UBASH3B: variants seen among roughly 807,000 people sequenced by gnomAD.
UBASH3B encodes ubiquitin associated and SH3 domain containing B, also known as ubiquitin-associated and SH3 domain-containing protein B.
UBASH3B carries 37 observed loss-of-function variants against 83.4 expected under a neutral mutation model. The ratio of observed to expected loss-of-function variants is 0.44; its 90% CI spans 0.34 to 0.58. The LOEUF (loss-of-function observed/expected upper bound fraction) is 0.58. UBASH3B is among the 20% of genes least tolerant of loss of function. The probability of loss-of-function intolerance (pLI) is 0.01; values close to 1 mark genes in which losing one functional copy is unlikely to be tolerated. For missense variants in UBASH3B, 657 were observed against 827.2 expected (o/e 0.79, Z 2.52); for synonymous variants, 304 against 318.3 (o/e 0.96, Z 0.48).
At chr11:122,713,041 G>A (rs1864220697) in intron 1 of UBASH3B, among the ~76,000 whole-genome samples, 3 of 151,568 alleles carry the variant, frequency 2.0e-5, no homozygotes, top group South Asian at 2.1e-4. Context: ...CCGAGTAGCT[G>A]GGACTACAGG....
chr11:122,745,026 TG>T (rs111956714), intron 1 of UBASH3B, among the ~76,000 whole-genome samples: 17,143 of 151,904 alleles, frequency 0.11, 1,042 homozygotes, highest in Non-Finnish European at 0.13. Context: ...TGAGGAGCGG[TG>T]GTCCTCCCAG....
intron 1 of UBASH3B, among the ~76,000 whole-genome samples, chr11:122,742,213 A>AG (rs1018184590): frequency 4.1e-4 from 63 of 152,294 alleles, no homozygotes; most frequent in African/African-American, 1.4e-3. Flanking sequence ...GGTCGGGAGA[A>AG]CCTTTTTAGA....
chr11:122,806,335 A>G lies in UBASH3B; in HGVS notation c.1596-75A>G. On this transcript the variant is annotated intron_variant, in intron 11 of 13. Coordinates refer to ENST00000284273, the MANE Select transcript of UBASH3B (RefSeq NM_032873.5). This position sits in a 1 kb window ranked among gnomAD's most constrained non-coding sequence, Gnocchi z 4.0. ...GGATCTTTAGAAATGCCTTGAAATA[A>G]AAGTTTAGAGTGATATCTTCCTTTG... The G allele has an allele frequency of 2.3e-6, 3 of 1,298,748 alleles. No homozygotes were observed. Among genetic ancestry groups the G allele is most frequent in the Non-Finnish European group, 3.2e-6 (3 of 928,840 alleles). 80.5% of individuals were successfully genotyped at this position (1,298,748 alleles called of 1,614,324 possible).
chr11:122,665,301 C>T (rs139000851), intron 1 of UBASH3B, among the ~76,000 whole-genome samples: 1 of 152,346 alleles, frequency 6.6e-6, no homozygotes, highest in Non-Finnish European at 1.5e-5. Flanking sequence ...CCTCAGCCTT[C>T]TGAACAGTGA....
At chr11:122,663,916 T>A (rs948548653) in intron 1 of UBASH3B, among the ~76,000 whole-genome samples, 1 of 152,120 alleles carries the variant, frequency 6.6e-6, no homozygotes, top group Non-Finnish European at 1.5e-5. Context: ...GAGAGAAGGG[T>A]GCCAAACCAC....
At chr11:122,703,728 G>C (rs1421188148) in intron 1 of UBASH3B, among the ~76,000 whole-genome samples, 1 of 152,146 alleles carries the variant, frequency 6.6e-6, no homozygotes, top group African/African-American at 2.4e-5. Flanking sequence ...GTTTTTTGAA[G>C]ACAAGCATCT....
rs371034909 is a variant in UBASH3B at position 122,794,725 on chromosome 11, C to T, written c.1004C>T (p.Ser335Leu). ...FHGSYSILNTSSSNSLTFGDG... is the reference protein window; with the variant it reads ...FHGSYSILNTLSSNSLTFGDG... ...AGTTCTTATTCAATCTTAAATACATCGTCATCCAACTCTCTCACGTTTGGG... is the reference window on the plus strand; with the variant it reads ...AGTTCTTATTCAATCTTAAATACATTGTCATCCAACTCTCTCACGTTTGGG... Residue 335 changes from serine (S) to leucine (L), a missense_variant, in exon 7 of 14, where the codon TCG (serine) becomes TTG (leucine). This residue lies in a region of UBASH3B where 573 missense variants were observed against 739.0 expected (regional missense o/e 0.78). Coordinates refer to ENST00000284273, the MANE Select transcript of UBASH3B (RefSeq NM_032873.5). 19 of 1,614,102 alleles carry T rather than the reference C, an allele frequency of 1.2e-5. No homozygotes were observed. The highest frequency in any genetic ancestry group is 5.3e-5 in the African/African-American group (4 of 75,002).
At chr11:122,695,352 C>T (rs1863953371) in intron 1 of UBASH3B, among the ~76,000 whole-genome samples, 2 of 152,190 alleles carry the variant, frequency 1.3e-5, no homozygotes, top group Non-Finnish European at 2.9e-5. Context: ...CTGGAAGGAG[C>T]TTGAAGCTCT....
intron 1 of UBASH3B, among the ~76,000 whole-genome samples, chr11:122,770,650 C>G (rs1355989193): frequency 6.6e-6 from 1 of 152,166 alleles, no homozygotes; most frequent in African/African-American, 2.4e-5. Context: ...TTAATGATAC[C>G]TGGTCCCACT....
chr11:122,693,870 C>A (rs1212280985), intron 1 of UBASH3B, among the ~76,000 whole-genome samples: 1 of 151,154 alleles, frequency 6.6e-6, no homozygotes, highest in Non-Finnish European at 1.5e-5. Context: ...GACTCTGTCT[C>A]GAAAAAAATA....
chr11:122,755,704 C>G (rs529427430), intron 1 of UBASH3B, among the ~76,000 whole-genome samples: 1 of 152,184 alleles, frequency 6.6e-6, no homozygotes, highest in East Asian at 1.9e-4. Flanking sequence ...CTCCTCTGAA[C>G]TGGGGACAGA....
At chr11:122,699,558 TTTCTTTCTTTC>T (rs1864013462) in intron 1 of UBASH3B, among the ~76,000 whole-genome samples, 2 of 147,250 alleles carry the variant, frequency 1.4e-5, no homozygotes, top group Admixed American at 1.5e-4. Context: ...TCTTTCTTTC[TTTCTTTCTTTC>T]TTTCTTTTCT....
chr11:122,683,003 C>T (rs762058038), intron 1 of UBASH3B, among the ~76,000 whole-genome samples: 10 of 151,778 alleles, frequency 6.6e-5, no homozygotes, highest in Non-Finnish European at 1.0e-4. Context: ...CACAAAACTC[C>T]GGGAGGCCAA....
rs1488258421 is a variant in UBASH3B at position 122,812,497 on chromosome 11, C to T, written c.*2611C>T. On this transcript the variant is annotated 3_prime_UTR_variant, in exon 14 of 14. Coordinates refer to ENST00000284273, the MANE Select transcript of UBASH3B (RefSeq NM_032873.5). ...GGTTCTTTTTGATCTGAAGCTGATG[C>T]TTATTAAAACAAATGATGTATGGGG... is the stretch of plus-strand genomic sequence containing the variant. 2.0e-5 allele frequency: 3 copies of T among 152,038 alleles called. No individual in the cohort carries two copies. The highest frequency in any genetic ancestry group is 7.2e-5 in the African/African-American group (3 of 41,388). 9.4% of individuals were successfully genotyped at this position (152,038 alleles called of 1,614,324 possible).
chr11:122,668,300 T>G (rs1485857320), intron 1 of UBASH3B, among the ~76,000 whole-genome samples: 1 of 152,230 alleles, frequency 6.6e-6, no homozygotes, highest in Non-Finnish European at 1.5e-5. Context: ...GTCAGCTTTC[T>G]AACAAGGTTT....
chr11:122,805,441 A>T (rs1433992467), intron 11 of UBASH3B, among the ~76,000 whole-genome samples: 1 of 152,234 alleles, frequency 6.6e-6, no homozygotes, highest in Non-Finnish European at 1.5e-5. Context: ...CTGAGGCAGG[A>T]GAATTGCTTG....
At chr11:122,750,287 T>G (rs563313318) in intron 1 of UBASH3B, among the ~76,000 whole-genome samples, 4 of 152,184 alleles carry the variant, frequency 2.6e-5, no homozygotes, top group Non-Finnish European at 5.9e-5. Context: ...TCTTCTTTAC[T>G]TCCGGCATAT....
chr11:122,738,431 G>A (rs888814592), intron 1 of UBASH3B, among the ~76,000 whole-genome samples: 4 of 152,160 alleles, frequency 2.6e-5, no homozygotes, highest in African/African-American at 7.2e-5. Flanking sequence ...ATAGAAGACA[G>A]AGGAGAAGAC....
chr11:122,744,340 A>G (rs1861075855), intron 1 of UBASH3B, among the ~76,000 whole-genome samples: 3 of 152,028 alleles, frequency 2.0e-5, no homozygotes, highest in Non-Finnish European at 4.4e-5. Flanking sequence ...TGACTGTATG[A>G]GCATGTGTTT....
Sources: allele counts gnomAD v4.1 joint callset (sites outside exome capture counted in the v4.1 genomes callset), GRCh38; gene constraint gnomAD v4.1.1; regional missense constraint gnomAD v4.1.1; non-coding constraint Gnocchi (gnomAD v3.1); transcripts MANE v1.5; gene names NCBI Gene and HGNC (gene_info 2026-07-23, HGNC 2026-07-21).